The following NEK10 variants were observed in gnomAD, a reference collection of about 807,000 sequenced individuals.
NEK10 encodes the protein serine/threonine-protein kinase Nek10.
In NEK10, 122 loss-of-function variants were observed where a neutral mutation model predicts 159.8. That is an observed-to-expected ratio of 0.76 (90% CI 0.66 to 0.89). NEK10 has a LOEUF of 0.89. Among genes scored for constraint, NEK10 ranks in the 40% least tolerant of loss-of-function variants. The pLI, the probability that NEK10 is intolerant of heterozygous loss-of-function variation, is 0.00. For missense variants in NEK10, 1,342 were observed against 1,323.1 expected, an observed-to-expected ratio of 1.01 and a Z score of -0.22; for synonymous variants, 466 against 457.1, an observed-to-expected ratio of 1.02 and a Z score of -0.25.
Position 27,199,081 on chromosome 3 carries a change from A to C in NEK10, c.2291+2429T>G, listed in dbSNP as rs532748637. ...GAGCAAGACTCCATCTCAAAAAAAA[A>C]AAAAAACAAAAAAAGACAAAATTGA... On this transcript the variant is annotated intron_variant, in intron 25 of 35. Transcript: ENST00000691995. Among the ~76,000 whole-genome samples the C allele has an allele frequency of 8.5e-4, 128 of 150,298 alleles. 2 individuals are homozygous for C. The highest frequency in any genetic ancestry group is 2.7e-3 in the African/African-American group (110 of 41,184).
Position 27,149,341 on chromosome 3 carries a change from T to C in NEK10, c.2870-7759A>G, listed in dbSNP as rs769528541. On this transcript the variant is annotated intron_variant, in intron 30 of 35. Transcript: ENST00000691995. ...CCTCATTTCATTGCACCTTATTATATTGCACTTCAAAGATGTTGCTTTTTT... is the reference window on the plus strand; with the variant it reads ...CCTCATTTCATTGCACCTTATTATACTGCACTTCAAAGATGTTGCTTTTTT... Among the ~76,000 whole-genome samples the C allele has an allele frequency of 5.9e-5, 9 of 152,284 alleles. No homozygotes were observed. In the East Asian group the frequency reaches 1.5e-3, roughly 26 times the overall value.
chr3:27,308,931 T>C lies in NEK10; in HGVS notation c.711A>G (p.Ala237=), dbSNP rs1415259352. The C allele has an allele frequency of 6.4e-7, 1 of 1,568,846 alleles. No homozygotes were observed. The highest frequency in any genetic ancestry group is 8.8e-7 in the Non-Finnish European group (1 of 1,140,960). The part of the protein sequence containing the change: ...LGSLLALASL[A]ESQECREKIS... ...TATTAGAATACACTACTTACCTTTC[T>C]GCTAAACTAGCCAGAGCCAGAAGGG... The change falls in exon 10 of 36, where the codon GCA becomes GCG. Residue 237 remains alanine, a synonymous_variant. Coordinates refer to ENST00000691995, the MANE Select transcript of NEK10 (RefSeq NM_001394966.1).
chr3:27,361,628 A>G (rs2048691969), intron 1 of NEK10, among the ~76,000 whole-genome samples: 1 of 152,172 alleles, frequency 6.6e-6, no homozygotes, highest in Non-Finnish European at 1.5e-5. Flanking sequence ...TGAATAAGAC[A>G]TGGTTCATAA....
chr3:27,112,188 TC>T (rs1939667203), intron 35 of NEK10, among the ~76,000 whole-genome samples: 1 of 152,206 alleles, frequency 6.6e-6, no homozygotes, highest in African/African-American at 2.4e-5. Flanking sequence ...TTTAAACAGT[TC>T]CAGAAATCTT....
At position 27,238,576 on chromosome 3, in the gene NEK10, G is replaced by A. The variant is rs560176863; in HGVS notation, c.2090+17720C>T. ...TTTCTAATTCACTTTTGTCTGTGAT[G>A]TCTGCTTGACTTGACAATATTTTCA... On this transcript the variant is annotated intron_variant, in intron 23 of 35. Transcript: ENST00000691995. 1.1e-4 allele frequency among the ~76,000 whole-genome samples: 17 copies of A among 152,008 alleles called. 1 individual carries two copies. The South Asian group carries it at 3.3e-3, about 30-fold the overall frequency.
rs80224626 is a variant in NEK10 at position 27,163,088 on chromosome 3, T to A, written c.2832-350A>T. ...AAAATGTTATATATAGTATTTTCTA[T>A]GATTTGTCCCTGCTCTATTAAAAAA... On this transcript the variant is annotated intron_variant, in intron 29 of 35. Coordinates refer to ENST00000691995, the MANE Select transcript of NEK10 (RefSeq NM_001394966.1). 1.3e-4 allele frequency among the ~76,000 whole-genome samples: 19 copies of A among 149,760 alleles called. No individual in the cohort carries two copies. The East Asian group carries it at 4.0e-3, about 31-fold the overall frequency.
intron 31 of NEK10, 41 bp downstream of exon 31, chr3:27,141,441 G>A (rs765763245): frequency 2.1e-6 from 3 of 1,448,112 alleles, no homozygotes; most frequent in African/African-American, 1.4e-5. Context: ...CACCAAACTT[G>A]CATTTAAGAT....
At chr3:27,242,123 G>A (rs1954620524) in intron 23 of NEK10, among the ~76,000 whole-genome samples, 1 of 152,196 alleles carries the variant, frequency 6.6e-6, no homozygotes, top group Non-Finnish European at 1.5e-5. Flanking sequence ...TAAGGCCAAG[G>A]AGGCAGGATC....
chr3:27,198,548 A>G (rs1949757879), intron 25 of NEK10, among the ~76,000 whole-genome samples: 2 of 152,174 alleles, frequency 1.3e-5, no homozygotes, highest in South Asian at 2.1e-4. Context: ...AAGATTCCCT[A>G]TGTAACAAAT....
intron 32 of NEK10, among the ~76,000 whole-genome samples, chr3:27,129,643 T>C (rs1246341178): frequency 1.3e-5 from 2 of 152,126 alleles, no homozygotes; most frequent in South Asian, 2.1e-4. Context: ...CTATATATTA[T>C]ACAGAATATA....
At chr3:27,330,765 G>C (rs373110937) in intron 5 of NEK10, among the ~76,000 whole-genome samples, 1 of 152,086 alleles carries the variant, frequency 6.6e-6, no homozygotes, top group African/African-American at 2.4e-5. Context: ...CACGGTCAAA[G>C]GATCAGAGGT....
chr3:27,203,376 C>A (rs2149046896), intron 23 of NEK10, among the ~76,000 whole-genome samples: 1 of 152,302 alleles, frequency 6.6e-6, no homozygotes, highest in South Asian at 2.1e-4. Flanking sequence ...ATGACAATAT[C>A]TACCATGTTC....
intron 23 of NEK10, among the ~76,000 whole-genome samples, chr3:27,206,012 G>GA (rs1339113112): frequency 6.6e-6 from 1 of 151,930 alleles, no homozygotes; most frequent in African/African-American, 2.4e-5. Flanking sequence ...AAATTTACAA[G>GA]AAAAAAAGAT....
intron 23 of NEK10, 58 bp from the exon 24 acceptor site, chr3:27,202,615 A>T (rs897870162): frequency 4.3e-6 from 6 of 1,409,268 alleles, no homozygotes; most frequent in Non-Finnish European, 4.7e-6. Context: ...GCTCAGAAAG[A>T]TCCAATTTTC....
chr3:27,111,439 C>T (rs559471163), intron 35 of NEK10, 119 bp from the exon 36 acceptor site: 76 of 758,488 alleles, frequency 1.0e-4, no homozygotes, highest in African/African-American at 9.9e-4. Flanking sequence ...AATAAAAAGA[C>T]GATTATTTTT....
chr3:27,114,545 A>G (rs1940097052), intron 35 of NEK10, among the ~76,000 whole-genome samples: 2 of 152,174 alleles, frequency 1.3e-5, no homozygotes, highest in African/African-American at 2.4e-5. Flanking sequence ...TTGAAATGGG[A>G]GAAGTAGAAG....
At chr3:27,216,698 A>C (rs1951563864) in intron 23 of NEK10, among the ~76,000 whole-genome samples, 1 of 152,242 alleles carries the variant, frequency 6.6e-6, no homozygotes, top group Non-Finnish European at 1.5e-5. Context: ...CCCAGCCAAA[A>C]GCCAGTACCA....
In NEK10 at chr3:27,290,772, A is replaced by G. The variant is rs1321156329; in HGVS notation, c.1606-18T>C. On this transcript the variant is annotated intron_variant, in intron 18 of 35. Transcript: ENST00000691995. ...TTTCTAACCTAAAATAAAGAAAAAC[A>G]CAACAACAACAAAAGGAACAGGGTA... 1 of 1,573,460 alleles carries G rather than the reference A, an allele frequency of 6.4e-7. No individual in the cohort carries two copies.
intron 19 of NEK10, among the ~76,000 whole-genome samples, chr3:27,288,688 T>C (rs1023906437): frequency 1.3e-5 from 2 of 152,224 alleles, no homozygotes. Context: ...TAGTGGAATT[T>C]CTAATTTTTT....
Sources: allele counts gnomAD v4.1 joint callset (sites outside exome capture counted in the v4.1 genomes callset), GRCh38; gene constraint gnomAD v4.1.1; transcripts MANE v1.5; gene names NCBI Gene and HGNC (gene_info 2026-07-23, HGNC 2026-07-21).